Variants in MAML1 observed in about 807,000 individuals in gnomAD.
The protein encoded by MAML1 is mastermind like transcriptional coactivator 1.
A neutral mutation model predicts 77.1 loss-of-function variants in MAML1; 14 were observed. The ratio of observed to expected loss-of-function variants is 0.18; its 90% CI spans 0.12 to 0.28. The LOEUF (loss-of-function observed/expected upper bound fraction) is 0.28, where lower values mean the gene tolerates loss of function less well. MAML1 is among the 10% of genes least tolerant of loss of function. The pLI is 1.00. For missense variants in MAML1, 1,217 were observed against 1,327.8 expected, an observed-to-expected ratio of 0.92 and a Z score of 1.30; for synonymous variants, 516 against 551.9, an observed-to-expected ratio of 0.93 and a Z score of 0.91.
At chr5:179,743,145 C>T (rs371499724) in intron 1 of MAML1, among the ~76,000 whole-genome samples, 12 of 150,990 alleles carry the variant, frequency 7.9e-5, no homozygotes, top group African/African-American at 2.2e-4. Flanking sequence ...CTCCACCTCC[C>T]GGGTTCAAGT....
In MAML1 at chr5:179,766,222, CAAGCAG is replaced by C. The variant is rs1269542644; in HGVS notation, c.1217_1222del (p.Gln406_Lys407del). 32 of 1,613,126 alleles carry C rather than the reference CAAGCAG, an allele frequency of 2.0e-5. No homozygotes were observed. Among genetic ancestry groups the C allele is most frequent in the Non-Finnish European group, 2.5e-5 (30 of 1,179,624 alleles). On this transcript the variant is annotated inframe_deletion, in exon 2 of 5. Coordinates refer to ENST00000292599, the MANE Select transcript of MAML1 (RefSeq NM_014757.5). This position sits in a 1 kb window ranked among gnomAD's most constrained non-coding sequence, Gnocchi z 4.0. The stretch of plus-strand genomic sequence containing the variant: ...CCCACCAGCTCCAGCAGATCGCTGC[CAAGCAG>C]AAGCGCGAGCAGATGCTCCAGAACC...
In MAML1 at chr5:179,771,124, T is replaced by G; in HGVS notation, c.1972-23T>G. The G allele has an allele frequency of 6.3e-7, 1 of 1,598,120 alleles. No homozygotes were observed. The highest frequency in any genetic ancestry group is 1.3e-5 in the African/African-American group (1 of 74,776). Reference sequence around the variant, plus strand: ...GATTTTGTTATATGTTGGTTTTGTTTTGTTGTTCTTGGCATTTTCTAGGAG... The same window carrying G: ...GATTTTGTTATATGTTGGTTTTGTTGTGTTGTTCTTGGCATTTTCTAGGAG... On this transcript the variant is annotated intron_variant, in intron 3 of 4. Coordinates refer to ENST00000292599, the MANE Select transcript of MAML1 (RefSeq NM_014757.5). This position sits in a 1 kb window ranked among gnomAD's most constrained non-coding sequence, Gnocchi z 4.7.
At chr5:179,742,015 A>G (rs1779293126) in intron 1 of MAML1, among the ~76,000 whole-genome samples, 1 of 151,690 alleles carries the variant, frequency 6.6e-6, no homozygotes, top group South Asian at 2.1e-4. Context: ...TTCCCACCTC[A>G]GCCTCCCAAG....
rs2113376337 is a variant in MAML1, at chr5:179,766,718, C to T, written c.1708C>T (p.Arg570Ter). 4 of 1,558,346 alleles carry T rather than the reference C, an allele frequency of 2.6e-6. No individual in the cohort carries two copies. Among genetic ancestry groups the T allele is most frequent in the East Asian group, 2.3e-5 (1 of 44,124 alleles). The change falls in exon 2 of 5, where the codon CGA becomes TGA. Residue 570 changes from arginine to a stop codon, truncating the protein, a stop_gained. Coordinates refer to ENST00000292599, the MANE Select transcript of MAML1 (RefSeq NM_014757.5). LOFTEE classifies it high-confidence loss of function. This position sits in a 1 kb window ranked among gnomAD's most constrained non-coding sequence, Gnocchi z 4.0. ...MKPKPGNMPF[R>*]SLVPPGQEQN... is the part of the protein sequence containing the mutation. ...GCCAAAGCCAGGAAATATGCCTTTC[C>T]GATCACTGGTTCCACCTGGCCAGGT...
chr5:179,759,834 C>A (rs950448970), intron 1 of MAML1, among the ~76,000 whole-genome samples: 70 of 152,206 alleles, frequency 4.6e-4, no homozygotes, highest in African/African-American at 1.6e-3. Flanking sequence ...AGGATCTCAA[C>A]ACATGGTTAA....
chr5:179,773,190 C>T (rs144728564), intron 4 of MAML1, among the ~76,000 whole-genome samples: 2 of 152,154 alleles, frequency 1.3e-5, no homozygotes, highest in South Asian at 2.1e-4. Context: ...GCCACAACCC[C>T]GTTCTTCACA....
intron 1 of MAML1, among the ~76,000 whole-genome samples, chr5:179,758,018 C>T (rs1269066695): frequency 1.3e-5 from 2 of 152,188 alleles, no homozygotes; most frequent in Admixed American, 6.5e-5. Flanking sequence ...TTACGTAAAA[C>T]ACAGTCATTG....
chr5:179,735,527 A>G (rs945136313), intron 1 of MAML1, among the ~76,000 whole-genome samples: 1 of 151,978 alleles, frequency 6.6e-6, no homozygotes, highest in African/African-American at 2.4e-5. Context: ...AGCTGGGATT[A>G]CAGGTGCTGG....
chr5:179,768,873 T>C lies in MAML1; in HGVS notation c.1755T>C (p.Pro585=), dbSNP rs1367113877. ...AGGAGCAGAACCCTTCCAGTGTCCC[T>C]GTGCAAGCCCAGGCTACCAGTGTTG... ...PGQEQNPSSV[P]VQAQATSVGT... Residue 585 remains proline (P), a synonymous_variant, in exon 3 of 5, where the codon CCT becomes CCC. Transcript: ENST00000292599. 1.9e-6 allele frequency: 3 copies of C among 1,614,188 alleles called. No homozygotes were observed. Among genetic ancestry groups the C allele is most frequent in the South Asian group, 2.2e-5 (2 of 91,086 alleles).
intron 1 of MAML1, among the ~76,000 whole-genome samples, chr5:179,756,342 G>A (rs1314906896): frequency 3.3e-5 from 5 of 150,808 alleles, no homozygotes; most frequent in African/African-American, 7.3e-5. Flanking sequence ...GGGGAGTGGC[G>A]TCAACCTGGG....
At chr5:179,745,210 A>G (rs1184150575) in intron 1 of MAML1, among the ~76,000 whole-genome samples, 2 of 151,972 alleles carry the variant, frequency 1.3e-5, no homozygotes, top group African/African-American at 4.8e-5. Flanking sequence ...CGGCCGCATT[A>G]TAAATTTTTA....
intron 1 of MAML1, among the ~76,000 whole-genome samples, chr5:179,739,397 T>C (rs1037724594): frequency 6.6e-6 from 1 of 151,786 alleles, no homozygotes; most frequent in Non-Finnish European, 1.5e-5. Flanking sequence ...TAGAATAGAA[T>C]AGAAAAATAA....
At chr5:179,752,340 A>ATATAT (rs1413175645) in intron 1 of MAML1, among the ~76,000 whole-genome samples, 1,156 of 53,236 alleles carry the variant, frequency 0.022, 81 homozygotes, top group Admixed American at 0.14. Context: ...AAAAAAAAAA[A>ATATAT]AAAAAAAAAA....
Position 179,773,899 on chromosome 5 carries a change from C to T in MAML1, c.2073C>T (p.Ser691=), listed in dbSNP as rs778603597. The T allele has an allele frequency of 6.2e-6, 10 of 1,612,268 alleles. No homozygotes were observed. The highest frequency in any genetic ancestry group is 3.3e-4 in the Middle Eastern group (2 of 6,074). The change falls in exon 5 of 5, where the codon TCC becomes TCT. Residue 691 remains serine, a synonymous_variant. Coordinates refer to ENST00000292599, the MANE Select transcript of MAML1 (RefSeq NM_014757.5). ...AGACTCTTCTCTGTCTTGTAGGGTC[C>T]TCTGCTGCCGTGCCCGGCATGAACA... ...FPQQVGQFTG[S]SAAVPGMNTL...
chr5:179,769,235 C>A lies in MAML1; in HGVS notation c.1971+146C>A. ...AGAGTGCTTTGCCTTTTAAAAACAT[C>A]TTTCCAGGAATGTGGCATTTCTCAG... On this transcript the variant is annotated intron_variant, in intron 3 of 4. Transcript: ENST00000292599. The surrounding 1 kb of genome is among the most constrained non-coding windows in gnomAD (Gnocchi z 4.2). The A allele has an allele frequency of 8.3e-7, 1 of 1,206,174 alleles. No homozygotes were observed. The highest frequency in any genetic ancestry group is 1.2e-6 in the Non-Finnish European group (1 of 866,102). 74.7% of individuals were successfully genotyped at this position (1,206,174 alleles called of 1,614,324 possible).
rs1472009804 is a variant in MAML1, at chr5:179,745,207, A to G, written c.315+11780A>G. 4.0e-5 allele frequency among the ~76,000 whole-genome samples: 6 copies of G among 151,774 alleles called. No individual in the cohort carries two copies. In the East Asian group the frequency reaches 7.8e-4, roughly 20 times the overall value. The stretch of plus-strand genomic sequence containing the variant: ...GGCGTGAGCCACCGTGCCCGGCCGC[A>G]TTATAAATTTTTATAAGTAATTATT... On this transcript the variant is annotated intron_variant, in intron 1 of 4. Coordinates refer to ENST00000292599, the MANE Select transcript of MAML1 (RefSeq NM_014757.5).
In MAML1 at chr5:179,774,684, C is replaced by T. The variant is rs376849937; in HGVS notation, c.2858C>T (p.Ala953Val). The change falls in exon 5 of 5, where the codon GCG (alanine) becomes GTG (valine). Residue 953 changes from alanine to valine, a missense_variant. Around this residue, in one of 3 missense-constraint regions of MAML1, gnomAD observed 884 missense variants for 949.3 expected, o/e 0.93. Coordinates refer to ENST00000292599, the MANE Select transcript of MAML1 (RefSeq NM_014757.5). ...CCTGCCTCACAGATGGGCGGTCGGG[C>T]GGGGCTGCACTGCACCCAGGCCTAC... ...QSPASQMGGR[A>V]GLHCTQAYPV... 17 of 1,609,750 alleles carry T rather than the reference C, an allele frequency of 1.1e-5. No homozygotes were observed. The East Asian group carries it at 1.1e-4, about 11-fold the overall frequency.
intron 1 of MAML1, among the ~76,000 whole-genome samples, chr5:179,751,270 G>A (rs1779484821): frequency 6.6e-6 from 1 of 151,752 alleles, no homozygotes; most frequent in South Asian, 2.1e-4. Flanking sequence ...ACCGTGCCCA[G>A]CTGGCTACTT....
chr5:179,736,257 CT>C (rs1306805132), intron 1 of MAML1, among the ~76,000 whole-genome samples: 1 of 151,984 alleles, frequency 6.6e-6, no homozygotes, highest in Non-Finnish European at 1.5e-5. Context: ...TAAGGAGGGA[CT>C]TTTGTTATTT....
Sources: gnomAD v4.1 joint callset for allele counts (sites outside exome capture counted in the v4.1 genomes callset) on GRCh38, gnomAD v4.1.1 for gene constraint, gnomAD v4.1.1 regional missense constraint, Gnocchi (gnomAD v3.1) non-coding constraint, MANE v1.5 for transcripts, NCBI Gene and HGNC (gene_info 2026-07-23, HGNC 2026-07-21) for gene names.